The following ANO3 variants were observed in gnomAD, a reference collection of about 807,000 sequenced individuals.
The protein encoded by ANO3 is anoctamin-3.
Under a neutral mutation model 144.8 loss-of-function variants are expected in ANO3, and 99 were observed. The ratio of observed to expected loss-of-function variants is 0.68; its 90% CI spans 0.58 to 0.81. The LOEUF is 0.81. Ranked by LOEUF, ANO3 falls within the 30% of genes least tolerant of loss-of-function variation. The probability of loss-of-function intolerance (pLI) is 0.00; values close to 1 mark genes in which losing one functional copy is unlikely to be tolerated. For missense variants in ANO3, 905 were observed against 1,202.2 expected, an observed-to-expected ratio of 0.75 and a Z score of 3.66; for synonymous variants, 414 against 392.6, an observed-to-expected ratio of 1.05 and a Z score of -0.64.
chr11:26,451,723 A>C (rs1316390889), intron 3 of ANO3, among the ~76,000 whole-genome samples: 2 of 152,312 alleles, frequency 1.3e-5, no homozygotes, highest in African/African-American at 4.8e-5. Context: ...GACAGATTTG[A>C]AGAGAGCAGT....
chr11:26,401,867 A>G (rs748013136), intron 1 of ANO3, among the ~76,000 whole-genome samples: 8 of 152,070 alleles, frequency 5.3e-5, no homozygotes, highest in Non-Finnish European at 1.2e-4. Context: ...AGACGATTCC[A>G]CATTGTAGAA....
rs185694858 is a variant in ANO3, at chr11:26,649,951, G to A, written c.2576+2095G>A. On this transcript the variant is annotated intron_variant, in intron 24 of 26. Coordinates refer to ENST00000256737, the MANE Select transcript of ANO3 (RefSeq NM_031418.4). ...GGAGCCCTCTTCCATAGCATTATTT[G>A]CCAGTGTCTTCACTGCCACCTAGTG... Among the ~76,000 whole-genome samples, 9 of 152,244 alleles carry A rather than the reference G, an allele frequency of 5.9e-5. 1 individual carries two copies. Among genetic ancestry groups the A allele is most frequent in the Admixed American group, 5.9e-4 (9 of 15,306 alleles).
intron 1 of ANO3, among the ~76,000 whole-genome samples, chr11:26,200,287 G>T (rs1266182240): frequency 6.6e-6 from 1 of 152,048 alleles, no homozygotes; most frequent in Non-Finnish European, 1.5e-5. Context: ...TTTGTAGTTT[G>T]GTAACATAGG....
At chr11:26,600,241 TTCCTCTCCTCTCCTCTCCTC>T (rs72092871) in intron 17 of ANO3, among the ~76,000 whole-genome samples, 1 of 87,798 alleles carries the variant, frequency 1.1e-5, no homozygotes, top group South Asian at 6.4e-4. Flanking sequence ...CTCGTCTCCT[TTCCTCTCCTCTCCTCTCCTC>T]TCCTCTCCTC....
intron 1 of ANO3, among the ~76,000 whole-genome samples, chr11:26,415,130 T>C (rs1470558424): frequency 6.6e-6 from 1 of 151,748 alleles, no homozygotes; most frequent in Non-Finnish European, 1.5e-5. Flanking sequence ...TTGATATTAG[T>C]AGGCCTACCT....
chr11:26,320,426 C>A (rs1446853638), intron 1 of ANO3, among the ~76,000 whole-genome samples: 1 of 152,110 alleles, frequency 6.6e-6, no homozygotes, highest in African/African-American at 2.4e-5. Context: ...AACACACAAC[C>A]AATTTTCATA....
At chr11:26,535,061 C>T (rs1412755293) in intron 9 of ANO3, among the ~76,000 whole-genome samples, 1 of 152,140 alleles carries the variant, frequency 6.6e-6, no homozygotes, top group Non-Finnish European at 1.5e-5. Context: ...AAGCCCTATA[C>T]TCAGGGAGAT....
intron 14 of ANO3, among the ~76,000 whole-genome samples, chr11:26,585,636 G>A (rs951060464): frequency 4.6e-5 from 7 of 151,990 alleles, no homozygotes; most frequent in African/African-American, 9.7e-5. Context: ...CACTCAAAGC[G>A]TGTTCTCAGA....
chr11:26,635,543 C>T (rs12577224), intron 20 of ANO3, among the ~76,000 whole-genome samples: 36,990 of 151,880 alleles, frequency 0.24, 5,342 homozygotes, highest in East Asian at 0.46. Context: ...TGTTGGGTTA[C>T]AGGATAAGCA....
At chr11:26,533,849 G>A (rs293942) in intron 8 of ANO3, among the ~76,000 whole-genome samples, 2,758 of 152,248 alleles carry the variant, frequency 0.018, 80 homozygotes, top group African/African-American at 0.062. Context: ...CATAGATAGA[G>A]TAACTAGAAA....
chr11:26,246,650 G>T (rs1455142151), intron 1 of ANO3, among the ~76,000 whole-genome samples: 1 of 149,352 alleles, frequency 6.7e-6, no homozygotes, highest in Non-Finnish European at 1.5e-5. Flanking sequence ...GATATGGTTT[G>T]GCTGTGTCCC....
intron 4 of ANO3, among the ~76,000 whole-genome samples, chr11:26,465,664 T>C (rs531455812): frequency 2.0e-4 from 30 of 151,974 alleles, no homozygotes; most frequent in African/African-American, 7.2e-4. Context: ...TGATGTCTTA[T>C]ATTGAATTTA....
intron 1 of ANO3, among the ~76,000 whole-genome samples, chr11:26,426,259 T>C (rs982703844): frequency 2.6e-5 from 4 of 152,064 alleles, no homozygotes; most frequent in Non-Finnish European, 5.9e-5. Context: ...TTTAAGACAA[T>C]GAAGCTTTTG....
chr11:26,286,843 T>G (rs2133849512), intron 1 of ANO3, among the ~76,000 whole-genome samples: 1 of 152,320 alleles, frequency 6.6e-6, no homozygotes, highest in East Asian at 1.9e-4. Context: ...AAACAGGGCT[T>G]AGCTCCAAAC....
chr11:26,440,578 A>AG (rs1423403930), intron 1 of ANO3, among the ~76,000 whole-genome samples: 2 of 152,154 alleles, frequency 1.3e-5, no homozygotes, highest in Non-Finnish European at 2.9e-5. Context: ...GAACTGAGAC[A>AG]GGCAATTAGG....
chr11:26,527,450 A>G (rs1849191798), intron 7 of ANO3, among the ~76,000 whole-genome samples: 1 of 152,118 alleles, frequency 6.6e-6, no homozygotes, highest in African/African-American at 2.4e-5. Context: ...TTGTGGATTC[A>G]TGTGGGAGAG....
upstream of ANO3, among the ~76,000 whole-genome samples, chr11:26,327,245 A>G (rs1296099454): frequency 6.6e-6 from 1 of 152,202 alleles, no homozygotes; most frequent in African/African-American, 2.4e-5. Flanking sequence ...AGTCAACCTG[A>G]AGTCTATTTT....
intron 23 of ANO3, among the ~76,000 whole-genome samples, chr11:26,645,884 A>G (rs1016172793): frequency 6.6e-6 from 1 of 152,190 alleles, no homozygotes; most frequent in African/African-American, 2.4e-5. Context: ...ATATAAGCAC[A>G]TTAAAGAAAA....
At chr11:26,394,582 T>TC (rs1856960786) in intron 1 of ANO3, among the ~76,000 whole-genome samples, 1 of 149,642 alleles carries the variant, frequency 6.7e-6, no homozygotes, top group Non-Finnish European at 1.5e-5. Context: ...TTTTTTTTTT[T>TC]TTTTTTTGTT....
Sources: gnomAD v4.1 joint callset for allele counts (sites outside exome capture counted in the v4.1 genomes callset) on GRCh38, gnomAD v4.1.1 for gene constraint, MANE v1.5 for transcripts, NCBI Gene and HGNC (gene_info 2026-07-23, HGNC 2026-07-21) for gene names.